The following NBAS variants were observed in gnomAD, a reference collection of about 807,000 sequenced individuals.
NBAS encodes the protein NBAS subunit of NRZ tethering complex.
A neutral mutation model predicts 302.5 loss-of-function variants in NBAS; 219 were observed. The observed-to-expected ratio is 0.72, with a 90% CI of 0.65 to 0.81. NBAS has a LOEUF of 0.81. NBAS is among the 30% of genes least tolerant of loss of function. NBAS has a pLI of 0.00. For synonymous variants in NBAS, 1,118 were observed against 1,021.6 expected, an observed-to-expected ratio of 1.09 and a Z score of -1.80; for missense variants, 2,932 against 2,841.6, an observed-to-expected ratio of 1.03 and a Z score of -0.72.
At chr2:14,944,488 C>T in the NBAS span, among the ~76,000 whole-genome samples, 1 of 152,108 alleles carries the variant, frequency 6.6e-6, no homozygotes, top group African/African-American at 2.4e-5. Context: ...TCACACAGCC[C>T]ATCATTGATA....
intron 25 of NBAS, among the ~76,000 whole-genome samples, chr2:15,406,120 A>AC (rs60845584): frequency 2.7e-5 from 4 of 148,354 alleles, no homozygotes; most frequent in African/African-American, 7.6e-5. Context: ...AAAAAACAAA[A>AC]CAAAAAAACA....
the NBAS span, among the ~76,000 whole-genome samples, chr2:14,817,688 C>A: frequency 6.6e-6 from 1 of 152,074 alleles, no homozygotes; most frequent in Non-Finnish European, 1.5e-5. Context: ...TAAATATATT[C>A]TTGTGTTAAA....
At chr2:15,003,893 G>C in the NBAS span, among the ~76,000 whole-genome samples, 2 of 152,222 alleles carry the variant, frequency 1.3e-5, no homozygotes, top group Non-Finnish European at 2.9e-5. Context: ...GCTGCTGAAA[G>C]ATAAATGCAG....
At chr2:15,145,255 C>A in the NBAS span, among the ~76,000 whole-genome samples, 2 of 152,004 alleles carry the variant, frequency 1.3e-5, no homozygotes, top group East Asian at 3.8e-4. Context: ...GTCAGCTTTG[C>A]GGTTACTAGA....
chr2:15,005,130 G>C, the NBAS span, among the ~76,000 whole-genome samples: 4,117 of 152,106 alleles, frequency 0.027, 180 homozygotes, highest in East Asian at 0.088. Context: ...TTTTATCATG[G>C]TAAGAATACT....
intron 5 of NBAS, 71 bp downstream of exon 5, chr2:15,553,355 T>C: frequency 1.5e-6 from 2 of 1,362,018 alleles, no homozygotes; most frequent in Non-Finnish European, 2.1e-6. Flanking sequence ...TATAAAAATC[T>C]TAGTTTCCAT....
chr2:15,457,980 C>A (rs1349330783), intron 21 of NBAS, among the ~76,000 whole-genome samples: 3 of 152,162 alleles, frequency 2.0e-5, no homozygotes, highest in Non-Finnish European at 4.4e-5. Flanking sequence ...GCACTACCTG[C>A]AGGAAACTTC....
the NBAS span, among the ~76,000 whole-genome samples, chr2:14,892,410 G>A: frequency 2.6e-5 from 4 of 152,132 alleles, no homozygotes; most frequent in East Asian, 1.9e-4. Flanking sequence ...CTCACAGGGC[G>A]ACATAGATCA....
chr2:15,149,087 T>C, the NBAS span, among the ~76,000 whole-genome samples: 56 of 152,340 alleles, frequency 3.7e-4, 1 homozygote, highest in Middle Eastern at 3.4e-3. Context: ...AGTCCATATG[T>C]TAGAAACTTG....
chr2:15,054,140 T>C, the NBAS span, among the ~76,000 whole-genome samples: 1 of 152,192 alleles, frequency 6.6e-6, no homozygotes, highest in Admixed American at 6.5e-5. Context: ...TTTCTCAACA[T>C]GCGACAGCCA....
At chr2:14,932,665 T>G in the NBAS span, among the ~76,000 whole-genome samples, 1 of 152,224 alleles carries the variant, frequency 6.6e-6, no homozygotes, top group Non-Finnish European at 1.5e-5. Context: ...CTTTCCTGAA[T>G]GGAACCCCTA....
the NBAS span, among the ~76,000 whole-genome samples, chr2:15,059,272 C>T: frequency 1.3e-5 from 2 of 152,338 alleles, no homozygotes; most frequent in East Asian, 3.9e-4. Flanking sequence ...GTCTCATAGC[C>T]TTAGGGCCTG....
intron 15 of NBAS, 121 bp from the exon 16 acceptor site, chr2:15,473,468 G>T: frequency 1.6e-6 from 2 of 1,249,366 alleles, no homozygotes; most frequent in Non-Finnish European, 2.3e-6. Context: ...TAATTCCTGT[G>T]CACTGTGGCA....
intron 1 of NBAS, 95 bp downstream of exon 1, chr2:15,561,093 C>T (rs2148724001): frequency 9.4e-7 from 1 of 1,061,754 alleles, no homozygotes; most frequent in Non-Finnish European, 1.4e-6. Context: ...CCCCCACCCA[C>T]CCGTCTCCAC....
the NBAS span, among the ~76,000 whole-genome samples, chr2:15,071,300 C>A: frequency 1.3e-5 from 2 of 152,162 alleles, no homozygotes; most frequent in Non-Finnish European, 2.9e-5. Context: ...GTCAGGGATA[C>A]TATTATATGG....
intron 23 of NBAS, among the ~76,000 whole-genome samples, chr2:15,424,100 C>T (rs1223670050): frequency 1.3e-5 from 2 of 152,166 alleles, no homozygotes; most frequent in Admixed American, 6.5e-5. Flanking sequence ...TAGGTTTTAA[C>T]GTTACTTTTA....
the NBAS span, among the ~76,000 whole-genome samples, chr2:14,812,986 TTC>T: frequency 6.6e-6 from 1 of 152,172 alleles, no homozygotes; most frequent in African/African-American, 2.4e-5. Context: ...TCCGCCTTCA[TTC>T]TCTCTTACCT....
At chr2:15,080,677 C>T in the NBAS span, among the ~76,000 whole-genome samples, 2 of 152,286 alleles carry the variant, frequency 1.3e-5, no homozygotes, top group South Asian at 4.1e-4. Flanking sequence ...GTTCAGAAGA[C>T]CCGACAGCTT....
chr2:15,504,209 G>A lies in NBAS; in HGVS notation c.890C>T (p.Pro297Leu), dbSNP rs139768432. The change falls in exon 11 of 52, where the codon CCG becomes CTG. Residue 297 changes from proline to leucine, a missense_variant. Physicochemically the swap from Pro to Leu is moderately conservative, Grantham distance 98. Coordinates refer to ENST00000281513, the MANE Select transcript of NBAS (RefSeq NM_015909.4). ...CATCCTTAATAATCCCAGTGTCTTC[G>A]GTACCTGCAAAATAAATGCATCATA... ...TNGGDGVTAVPKTLGLLRMLS... is the reference protein window; with the variant it reads ...TNGGDGVTAVLKTLGLLRMLS... 1.1e-5 allele frequency: 17 copies of A among 1,610,442 alleles called. No homozygotes were observed. In the East Asian group the frequency reaches 2.0e-4, roughly 19 times the overall value.
Sources: gnomAD v4.1 joint callset for allele counts (sites outside exome capture counted in the v4.1 genomes callset) on GRCh38, gnomAD v4.1.1 for gene constraint, MANE v1.5 for transcripts, NCBI Gene and HGNC (gene_info 2026-07-23, HGNC 2026-07-21) for gene names.